Variants in TMCO6 observed in about 807,000 individuals in gnomAD.
TMCO6 encodes transmembrane and coiled-coil domain-containing protein 6.
TMCO6 carries 47 observed loss-of-function variants against 61.8 expected under a neutral mutation model. That is an observed-to-expected ratio of 0.76 (90% CI 0.60 to 0.97). TMCO6 has a LOEUF of 0.97. Ranked by LOEUF, TMCO6 falls within the 50% of genes least tolerant of loss-of-function variation. The pLI, the probability that TMCO6 is intolerant of heterozygous loss-of-function variation, is 0.00. For synonymous variants in TMCO6, 261 were observed against 254.2 expected (o/e 1.03, Z -0.25); for missense variants, 557 against 601.6 (o/e 0.93, Z 0.78).
At chr5:140,638,466 G>A (rs1192243560), upstream of TMCO6, among the ~76,000 whole-genome samples, 4 of 152,022 alleles carry the variant, frequency 2.6e-5, no homozygotes, top group African/African-American at 9.7e-5. Flanking sequence ...AAACAAAAGT[G>A]TGTGTGGGGG....
At chr5:140,630,415 GA>G in the TMCO6 span, among the ~76,000 whole-genome samples, 1 of 152,044 alleles carries the variant, frequency 6.6e-6, no homozygotes, top group East Asian at 1.9e-4. Flanking sequence ...TTAACCAACA[GA>G]AATTTATATA....
At chr5:140,645,429 A>G, downstream of TMCO6, 1 of 963,710 alleles carries the variant, frequency 1.0e-6, no homozygotes, top group East Asian at 2.6e-5. Context: ...GTGGTTGCAC[A>G]GTAAGGGGTA....
chr5:140,602,648 C>A, the TMCO6 span, among the ~76,000 whole-genome samples: 40 of 151,976 alleles, frequency 2.6e-4, no homozygotes, highest in Admixed American at 1.4e-3. Context: ...CCTATAATCC[C>A]AGCTACTTGG....
the TMCO6 span, among the ~76,000 whole-genome samples, chr5:140,612,418 C>T: frequency 6.8e-6 from 1 of 146,760 alleles, no homozygotes; most frequent in African/African-American, 2.5e-5. Flanking sequence ...CGGCTCACTG[C>T]AAGCTCCGCC....
At chr5:140,645,815 G>T, downstream of TMCO6, 1 of 1,418,194 alleles carries the variant, frequency 7.1e-7, no homozygotes, top group Admixed American at 2.0e-5. Flanking sequence ...AATACATTTG[G>T]TATGCCTAGA....
At chr5:140,631,776 G>T in the TMCO6 span, 1 of 1,343,650 alleles carries the variant, frequency 7.4e-7, no homozygotes, top group Non-Finnish European at 1.0e-6. Context: ...GGTTGAATTG[G>T]TCGAAAAGTC....
chr5:140,644,642 C>T lies in TMCO6; in HGVS notation c.1270C>T (p.Leu424=). Residue 424 remains leucine, a synonymous_variant, in exon 11 of 12, where the codon CTG becomes TTG. Coordinates refer to ENST00000394671, the MANE Select transcript of TMCO6 (RefSeq NM_018502.5). ...AYCQRLWPGP[L]LPALLHTLAF... The stretch of plus-strand genomic sequence containing the variant: ...CTGCCAGCGGCTGTGGCCAGGGCCC[C>T]TGCTTCCCGCCTTGCTGCACACACT... 6.2e-7 allele frequency: 1 copy of T among 1,614,254 alleles called. No homozygotes were observed. The highest frequency in any genetic ancestry group is 2.2e-5 in the East Asian group (1 of 44,888).
At chr5:140,614,236 C>T in the TMCO6 span, among the ~76,000 whole-genome samples, 1 of 152,030 alleles carries the variant, frequency 6.6e-6, no homozygotes, top group Admixed American at 6.6e-5. Context: ...CGGCCAGGCA[C>T]AGTAGCTCAT....
At chr5:140,618,153 G>A in the TMCO6 span, among the ~76,000 whole-genome samples, 6 of 152,224 alleles carry the variant, frequency 3.9e-5, no homozygotes, top group South Asian at 4.1e-4. Context: ...AGGTCGGGCC[G>A]CACGCGGTGG....
the TMCO6 span, among the ~76,000 whole-genome samples, chr5:140,627,995 T>C: frequency 6.0e-5 from 9 of 150,860 alleles, no homozygotes; most frequent in Admixed American, 4.7e-4. Flanking sequence ...GATTGATATG[T>C]ATACAGGTTG....
chr5:140,608,910 GT>G, the TMCO6 span, among the ~76,000 whole-genome samples: 1 of 152,170 alleles, frequency 6.6e-6, no homozygotes, highest in African/African-American at 2.4e-5. Context: ...TTGCAATAAT[GT>G]TTTGAAATCA....
chr5:140,615,780 T>C, the TMCO6 span, among the ~76,000 whole-genome samples: 1 of 152,190 alleles, frequency 6.6e-6, no homozygotes, highest in Non-Finnish European at 1.5e-5. Context: ...ATACCATATG[T>C]AAAAATTAAC....
At chr5:140,639,414 G>A (rs1355384897), upstream of TMCO6, 1 of 1,098,820 alleles carries the variant, frequency 9.1e-7, no homozygotes, top group Non-Finnish European at 1.3e-6. Context: ...CGCTCCTCGC[G>A]CCCTCCCCGC....
chr5:140,640,319 A>T (rs1178826528), intron 2 of TMCO6, among the ~76,000 whole-genome samples: 1 of 151,740 alleles, frequency 6.6e-6, no homozygotes, highest in Non-Finnish European at 1.5e-5. Flanking sequence ...GCAACGATAT[A>T]TCGGATTTGT....
the TMCO6 span, among the ~76,000 whole-genome samples, chr5:140,610,218 G>A: frequency 1.1e-4 from 17 of 148,152 alleles, no homozygotes; most frequent in African/African-American, 2.0e-4. Flanking sequence ...AAAGCCAGGC[G>A]TGGCAGCATG....
the TMCO6 span, among the ~76,000 whole-genome samples, chr5:140,615,515 G>A: frequency 6.6e-6 from 1 of 152,058 alleles, no homozygotes; most frequent in Non-Finnish European, 1.5e-5. Flanking sequence ...AACCAAGTTG[G>A]AGATCTCATA....
chr5:140,634,506 G>T (rs6875483), upstream of TMCO6, among the ~76,000 whole-genome samples: 3,404 of 110,520 alleles, frequency 0.031, 161 homozygotes, highest in African/African-American at 0.11. Context: ...TTTTTTTTGA[G>T]ACTGAGTTTG....
At chr5:140,632,384 G>T in the TMCO6 span, 1 of 1,614,188 alleles carries the variant, frequency 6.2e-7, no homozygotes, top group South Asian at 1.1e-5. This position sits in a 1 kb window ranked among gnomAD's most constrained non-coding sequence, Gnocchi z 6.2. Flanking sequence ...TGTCAGACAG[G>T]TCTAGGCTGG....
rs2149789036 is a variant in TMCO6 at position 140,639,522 on chromosome 5, T to C, written c.-6T>C. 1 of 1,549,670 alleles carries C rather than the reference T, an allele frequency of 6.5e-7. No individual in the cohort carries two copies. The highest frequency in any genetic ancestry group is 8.7e-7 in the Non-Finnish European group (1 of 1,146,600). ...TTTCCTTCGGCTTTCCTCCTCCTGCTCCACCATGTGGAGCCGACGGCAGGG... is the reference window on the plus strand; with the variant it reads ...TTTCCTTCGGCTTTCCTCCTCCTGCCCCACCATGTGGAGCCGACGGCAGGG... On this transcript the variant is annotated 5_prime_UTR_variant, in exon 1 of 12. Transcript: ENST00000394671.
Sources: allele counts gnomAD v4.1 joint callset (sites outside exome capture counted in the v4.1 genomes callset), GRCh38; gene constraint gnomAD v4.1.1; non-coding constraint Gnocchi (gnomAD v3.1); transcripts MANE v1.5; gene names NCBI Gene and HGNC (gene_info 2026-07-23, HGNC 2026-07-21).